RBFOX1: variants seen among roughly 807,000 people sequenced by gnomAD.
RBFOX1 encodes the protein RNA binding protein fox-1 homolog 1.
In RBFOX1, 8 loss-of-function variants were observed where a neutral mutation model predicts 57.7. The observed-to-expected ratio is 0.14, with a 90% CI of 0.08 to 0.25. The LOEUF is 0.25. Ranked by LOEUF, RBFOX1 falls within the 10% of genes least tolerant of loss-of-function variation. The pLI is 1.00. For missense variants in RBFOX1, 611 were observed against 548.5 expected, an observed-to-expected ratio of 1.11 and a Z score of -1.14; for synonymous variants, 326 against 222.4, an observed-to-expected ratio of 1.47 and a Z score of -4.15.
At chr16:7,605,206 G>A (rs1003001532) in intron 9 of RBFOX1, among the ~76,000 whole-genome samples, 1 of 152,084 alleles carries the variant, frequency 6.6e-6, no homozygotes, top group East Asian at 1.9e-4. Flanking sequence ...TGATCAAATT[G>A]AAGTCATTTC....
At chr16:6,572,819 C>G (rs550784972) in intron 2 of RBFOX1, among the ~76,000 whole-genome samples, 1 of 152,094 alleles carries the variant, frequency 6.6e-6, no homozygotes, top group African/African-American at 2.4e-5. Flanking sequence ...GCCTCGAACT[C>G]CTGACCTCAA....
intron 4 of RBFOX1, among the ~76,000 whole-genome samples, chr16:7,260,675 G>C (rs1347605841): frequency 6.6e-6 from 1 of 151,400 alleles, no homozygotes; most frequent in Non-Finnish European, 1.5e-5. Flanking sequence ...TTTTTTTTAA[G>C]TTTCTCTAAT....
chr16:5,725,688 C>A (rs1385970980), intron 3 of RBFOX1, among the ~76,000 whole-genome samples: 1 of 151,820 alleles, frequency 6.6e-6, no homozygotes. Context: ...TTGAGGTCCA[C>A]ATTCACACCT....
intron 3 of RBFOX1, among the ~76,000 whole-genome samples, chr16:6,674,232 G>C (rs2098786309): frequency 6.6e-6 from 1 of 152,134 alleles, no homozygotes; most frequent in African/African-American, 2.4e-5. Flanking sequence ...TTTAGAGATA[G>C]GGTCTTTGCA....
At chr16:6,652,889 G>A (rs992009847) in intron 2 of RBFOX1, among the ~76,000 whole-genome samples, 3 of 152,168 alleles carry the variant, frequency 2.0e-5, no homozygotes, top group Admixed American at 2.0e-4. Context: ...ACCTACCATG[G>A]TAAAATTGTT....
chr16:5,832,651 G>C (rs149451177), intron 3 of RBFOX1, among the ~76,000 whole-genome samples: 1 of 152,186 alleles, frequency 6.6e-6, no homozygotes, highest in Non-Finnish European at 1.5e-5. Context: ...CTGAAGGCAG[G>C]TGTGCAATTG....
intron 4 of RBFOX1, among the ~76,000 whole-genome samples, chr16:7,095,853 A>C (rs2061602057): frequency 6.6e-6 from 1 of 151,928 alleles, no homozygotes; most frequent in Non-Finnish European, 1.5e-5. Context: ...TGTACTAAAA[A>C]TACAAAAAAA....
intron 3 of RBFOX1, among the ~76,000 whole-genome samples, chr16:5,851,496 A>C (rs572612894): frequency 4.6e-5 from 7 of 152,284 alleles, no homozygotes; most frequent in African/African-American, 1.7e-4. Context: ...AGCCCTGCCG[A>C]AGAAGATGAA....
intron 2 of RBFOX1, among the ~76,000 whole-genome samples, chr16:6,471,619 T>A (rs2095176272): frequency 6.6e-6 from 1 of 152,066 alleles, no homozygotes; most frequent in Non-Finnish European, 1.5e-5. Context: ...AGAATTTGTA[T>A]TTCTGTTAGC....
In RBFOX1 at chr16:6,019,794, G is replaced by A. The variant is rs969974300; in HGVS notation, c.-325G>A. The stretch of plus-strand genomic sequence containing the variant: ...GGCCGCCAGGGTCCCCGCCTGTCCG[G>A]ACCCTCGCCGCGCCCAGGCAGGCGC... On this transcript the variant is annotated 5_prime_UTR_variant, in exon 1 of 16. Coordinates refer to ENST00000550418, the MANE Select transcript of RBFOX1 (RefSeq NM_018723.4). This position sits in a 1 kb window ranked among gnomAD's most constrained non-coding sequence, Gnocchi z 4.2. The A allele has an allele frequency of 1.3e-5, 19 of 1,478,244 alleles. No individual in the cohort carries two copies. Among genetic ancestry groups the A allele is most frequent in the Non-Finnish European group, 1.7e-5 (19 of 1,112,840 alleles). The allele number at this position is 1,478,244 out of a possible 1,614,324, so 91.6% of individuals were successfully genotyped here.
chr16:7,158,038 A>G (rs1013531339), intron 4 of RBFOX1, among the ~76,000 whole-genome samples: 23 of 152,290 alleles, frequency 1.5e-4, no homozygotes, highest in African/African-American at 4.6e-4. Flanking sequence ...GGTTTATCCA[A>G]TAGTAACATC....
At chr16:5,436,234 C>A (rs558616302) in intron 1 of RBFOX1, among the ~76,000 whole-genome samples, 1 of 152,288 alleles carries the variant, frequency 6.6e-6, no homozygotes, top group Non-Finnish European at 1.5e-5. Context: ...GTGACTCAGA[C>A]TTACCTGTGT....
chr16:5,563,444 T>C (rs1567233989), intron 2 of RBFOX1, among the ~76,000 whole-genome samples: 1 of 152,230 alleles, frequency 6.6e-6, no homozygotes, highest in Non-Finnish European at 1.5e-5. Context: ...AATAATAGTT[T>C]TCTGGAATAT....
chr16:6,616,450 G>T (rs1288191891), intron 2 of RBFOX1, among the ~76,000 whole-genome samples: 1 of 152,048 alleles, frequency 6.6e-6, no homozygotes, highest in Non-Finnish European at 1.5e-5. Flanking sequence ...GCCGAGGCGG[G>T]TGGATCACGA....
chr16:6,245,327 C>G (rs1241658068), intron 1 of RBFOX1, among the ~76,000 whole-genome samples: 2 of 152,082 alleles, frequency 1.3e-5, no homozygotes, highest in African/African-American at 4.8e-5. Flanking sequence ...TTGCCAAATA[C>G]GTTTTCCTTG....
chr16:6,612,998 C>T (rs1342799453), intron 2 of RBFOX1, among the ~76,000 whole-genome samples: 1 of 141,184 alleles, frequency 7.1e-6, no homozygotes, highest in Non-Finnish European at 1.5e-5. Flanking sequence ...GGTGCCAGTC[C>T]CAGCATGTGT....
At chr16:5,994,984 C>G (rs1596365613) in intron 4 of RBFOX1, among the ~76,000 whole-genome samples, 1 of 152,306 alleles carries the variant, frequency 6.6e-6, no homozygotes, top group East Asian at 1.9e-4. Flanking sequence ...AGGCTCCTCT[C>G]ACTAGCTGTG....
chr16:7,065,184 T>C (rs2055653329), intron 4 of RBFOX1, among the ~76,000 whole-genome samples: 2 of 152,212 alleles, frequency 1.3e-5, no homozygotes, highest in Non-Finnish European at 1.5e-5. Flanking sequence ...TTTGGAAGAA[T>C]GCATTCTAAT....
intron 3 of RBFOX1, among the ~76,000 whole-genome samples, chr16:6,927,414 C>CAAAAAAAAAAAAAAAAAAAAA (rs1194663760): frequency 1.9e-5 from 1 of 53,144 alleles, no homozygotes; most frequent in African/African-American, 1.1e-4. Flanking sequence ...CGCTTTCTCA[C>CAAAAAAAAAAAAAAAAAAAAA]AAAAAAAAAA....
Sources: gnomAD v4.1 joint callset for allele counts (sites outside exome capture counted in the v4.1 genomes callset) on GRCh38, gnomAD v4.1.1 for gene constraint, Gnocchi (gnomAD v3.1) non-coding constraint, MANE v1.5 for transcripts, NCBI Gene and HGNC (gene_info 2026-07-23, HGNC 2026-07-21) for gene names.